Variants in PKP1 observed in about 807,000 individuals in gnomAD.
PKP1 encodes the protein plakophilin-1.
PKP1 carries 27 observed loss-of-function variants against 76.4 expected under a neutral mutation model. That is an observed-to-expected ratio of 0.35 (90% confidence interval 0.26 to 0.49). The LOEUF (loss-of-function observed/expected upper bound fraction) is 0.49, where lower values mean the gene tolerates loss of function less well. PKP1 is among the 20% of genes least tolerant of loss of function. The pLI is 0.99. For synonymous variants in PKP1, 404 were observed against 384.2 expected (o/e 1.05, Z -0.60); for missense variants, 964 against 955.2 (o/e 1.01, Z -0.12).
Position 201,294,201 on chromosome 1 carries a change from G to A in PKP1, c.306+156G>A, listed in dbSNP as rs1456249019. On this transcript the variant is annotated intron_variant, in intron 2 of 13. Transcript: ENST00000367324. ...AACTCTGACTAGGTCTGTTGACTTGGCCATTGTTTCATAGGTGGCTCTCGT... is the reference window on the plus strand; with the variant it reads ...AACTCTGACTAGGTCTGTTGACTTGACCATTGTTTCATAGGTGGCTCTCGT... Among the ~76,000 whole-genome samples the A allele has an allele frequency of 3.9e-5, 6 of 152,176 alleles. No individual in the cohort carries two copies. In the South Asian group the frequency reaches 1.0e-3, roughly 26 times the overall value.
chr1:201,307,525 T>A (rs903593938), intron 2 of PKP1, among the ~76,000 whole-genome samples: 1 of 152,148 alleles, frequency 6.6e-6, no homozygotes, highest in Non-Finnish European at 1.5e-5. Flanking sequence ...GTGTGCCCCA[T>A]TCTCGGCAGC....
At chr1:201,307,702 G>A (rs746637951) in intron 2 of PKP1, among the ~76,000 whole-genome samples, 4 of 152,216 alleles carry the variant, frequency 2.6e-5, no homozygotes, top group African/African-American at 9.6e-5. Flanking sequence ...TACTACATGA[G>A]AGCCCCTCAT....
At chr1:201,325,217 G>A in intron 11 of PKP1, 90 bp downstream of exon 11, 1 of 1,347,380 alleles carries the variant, frequency 7.4e-7, no homozygotes, top group East Asian at 2.3e-5. Flanking sequence ...GCTCTCCATG[G>A]AGTAGGGGAA....
intron 12 of PKP1, 30 bp from the exon 13 acceptor site, chr1:201,328,732 G>A: frequency 6.2e-7 from 1 of 1,608,504 alleles, no homozygotes; most frequent in Non-Finnish European, 8.5e-7. Context: ...ACAGTTTTGT[G>A]TCATTTGGTT....
At chr1:201,325,232 C>A (rs534893435) in intron 11 of PKP1, 105 bp downstream of exon 11, 8 of 1,210,106 alleles carry the variant, frequency 6.6e-6, no homozygotes, top group East Asian at 2.3e-5. Flanking sequence ...GGGGAAGCAC[C>A]AAGGGCAGGG....
At chr1:201,289,631 C>T (rs1329803616) in intron 1 of PKP1, among the ~76,000 whole-genome samples, 1 of 151,422 alleles carries the variant, frequency 6.6e-6, no homozygotes, top group African/African-American at 2.4e-5. Flanking sequence ...AGATTCCTTG[C>T]TTCAGGGAGC....
chr1:201,329,820 T>G (rs2102190890), intron 13 of PKP1, among the ~76,000 whole-genome samples: 1 of 152,358 alleles, frequency 6.6e-6, no homozygotes, highest in East Asian at 1.9e-4. Flanking sequence ...TGGCAAATCC[T>G]TAATGAACAC....
intron 1 of PKP1, among the ~76,000 whole-genome samples, chr1:201,292,973 G>C (rs1180240052): frequency 6.6e-6 from 1 of 152,228 alleles, no homozygotes; most frequent in Non-Finnish European, 1.5e-5. Context: ...GCCTTGTGCA[G>C]AACTGATCAG....
rs1656004880 is a variant in PKP1 at position 201,294,020 on chromosome 1, C to T, written c.281C>T (p.Ala94Val). ...SRSSYYSKFQ[A>V]GNGSWGYPIY... ...AGCAGCTACTACTCCAAGTTCCAGG[C>T]AGGGAATGGCTCATGGGGATATCCG... Residue 94 changes from alanine to valine, a missense_variant, in exon 2 of 14, where the codon GCA (alanine) becomes GTA (valine). Coordinates refer to ENST00000367324, the MANE Select transcript of PKP1 (RefSeq NM_001005337.3). 1.2e-6 allele frequency: 2 copies of T among 1,612,510 alleles called. No homozygotes were observed. The highest frequency in any genetic ancestry group is 1.7e-5 in the Admixed American group (1 of 59,996).
intron 2 of PKP1, among the ~76,000 whole-genome samples, chr1:201,305,870 A>G (rs1194978528): frequency 6.6e-6 from 1 of 152,172 alleles, no homozygotes; most frequent in Non-Finnish European, 1.5e-5. Flanking sequence ...ATGATGAACC[A>G]TCACTGGGAC....
intron 2 of PKP1, among the ~76,000 whole-genome samples, chr1:201,301,807 T>C (rs763045839): frequency 6.6e-6 from 1 of 152,022 alleles, no homozygotes; most frequent in Non-Finnish European, 1.5e-5. Flanking sequence ...TACGCTATAG[T>C]TGAAAACAAA....
intron 7 of PKP1, among the ~76,000 whole-genome samples, chr1:201,321,303 T>A (rs1447785505): frequency 6.6e-6 from 1 of 152,174 alleles, no homozygotes; most frequent in African/African-American, 2.4e-5. Context: ...CAGATTCCCT[T>A]AGACCCCAGC....
chr1:201,284,059 G>T (rs1405974375), intron 1 of PKP1, among the ~76,000 whole-genome samples, 155 bp downstream of exon 1: 2 of 152,200 alleles, frequency 1.3e-5, no homozygotes, highest in African/African-American at 4.8e-5. Flanking sequence ...GAGCAGCCGA[G>T]CTCCCAGCCG....
At chr1:201,321,910 T>C in intron 7 of PKP1, 68 bp from the exon 8 acceptor site, 1 of 1,575,372 alleles carries the variant, frequency 6.3e-7, no homozygotes, top group East Asian at 2.2e-5. Context: ...TTAGCTAGGG[T>C]AGGTGGTAGG....
chr1:201,321,828 T>A, intron 7 of PKP1, 150 bp from the exon 8 acceptor site: 1 of 850,892 alleles, frequency 1.2e-6, no homozygotes. Flanking sequence ...CCTGGAAGAC[T>A]TCCCAGGCTG....
chr1:201,318,773 T>C lies in PKP1; in HGVS notation c.1210T>C (p.Phe404Leu). 1 of 1,607,752 alleles carries C rather than the reference T, an allele frequency of 6.2e-7. No individual in the cohort carries two copies. The highest frequency in any genetic ancestry group is 8.5e-7 in the Non-Finnish European group (1 of 1,177,806). Residue 404 changes from phenylalanine to leucine, a missense_variant, in exon 6 of 14, where the codon TTC (phenylalanine) becomes CTC (leucine). Coordinates refer to ENST00000367324, the MANE Select transcript of PKP1 (RefSeq NM_001005337.3). ...SREVVDPEVF[F>L]NATGCLRNLS... is the part of the protein sequence containing the mutation. ...GGAAGTGGTGGACCCTGAGGTCTTC[T>C]TCAATGCCACAGGCTGCTTGAGGTG...
At chr1:201,328,514 TC>T in intron 12 of PKP1, 1 of 573,020 alleles carries the variant, frequency 1.7e-6, no homozygotes, top group South Asian at 1.9e-5. Flanking sequence ...GACTCAGGTT[TC>T]TGCAAATGCA....
At chr1:201,284,030 G>A (rs1655653143) in intron 1 of PKP1, 126 bp downstream of exon 1, 4 of 881,582 alleles carry the variant, frequency 4.5e-6, no homozygotes, top group South Asian at 1.4e-5. Context: ...GCCCCAGGCA[G>A]GGTCTACGCA....
At position 201,331,535 on chromosome 1, in the gene PKP1, T is replaced by C. The variant is rs1171607740; in HGVS notation, c.*1494T>C. On this transcript the variant is annotated 3_prime_UTR_variant, in exon 14 of 14. Coordinates refer to ENST00000367324, the MANE Select transcript of PKP1 (RefSeq NM_001005337.3). ...TCTACCTCCATGCTAGCATTGCTGG[T>C]GTTAGAGAGGAATTAACTTCCTGGT... The C allele has an allele frequency of 6.6e-6, 1 of 152,378 alleles. No homozygotes were observed. The highest frequency in any genetic ancestry group is 1.5e-5 in the Non-Finnish European group (1 of 68,182). 9.4% of individuals were successfully genotyped at this position (152,378 alleles called of 1,614,324 possible). A position where few individuals can be genotyped will look rare whatever the true frequency, so the allele number is the denominator to read the frequency against.
Sources: allele counts gnomAD v4.1 joint callset (sites outside exome capture counted in the v4.1 genomes callset), GRCh38; gene constraint gnomAD v4.1.1; transcripts MANE v1.5; gene names NCBI Gene and HGNC (gene_info 2026-07-23, HGNC 2026-07-21).